The following MTOR variants were observed in gnomAD, a reference collection of about 807,000 sequenced individuals.
MTOR encodes serine/threonine-protein kinase mTOR.
A neutral mutation model predicts 319.8 loss-of-function variants in MTOR; 70 were observed. The ratio of observed to expected loss-of-function variants is 0.22; its 90% CI spans 0.18 to 0.27. MTOR has a LOEUF of 0.27. Among genes scored for constraint, MTOR ranks in the 10% least tolerant of loss-of-function variants. The pLI is 1.00. For synonymous variants in MTOR, 1,183 were observed against 1,211.4 expected, an observed-to-expected ratio of 0.98 and a Z score of 0.49; for missense variants, 1,890 against 3,274.4, an observed-to-expected ratio of 0.58 and a Z score of 10.32.
chr1:11,190,583 C>T (rs950837517), intron 28 of MTOR, among the ~76,000 whole-genome samples: 1 of 152,070 alleles, frequency 6.6e-6, no homozygotes, highest in Admixed American at 6.6e-5. Flanking sequence ...TGAATTTCTC[C>T]GAATACAGGA....
intron 28 of MTOR, among the ~76,000 whole-genome samples, chr1:11,187,488 C>G (rs1038475929): frequency 2.6e-5 from 4 of 152,148 alleles, no homozygotes; most frequent in Non-Finnish European, 5.9e-5. Flanking sequence ...ACCGATCTGA[C>G]AGGAGGCAGA....
chr1:11,241,476 TC>T, intron 10 of MTOR, 76 bp downstream of exon 10: 1 of 1,507,492 alleles, frequency 6.6e-7, no homozygotes, highest in South Asian at 1.3e-5. Context: ...CAACCATGCC[TC>T]ATTCTTTTAA....
In MTOR at chr1:11,153,018, G is replaced by A. The variant is rs537519167; in HGVS notation, c.4470-2792C>T. On this transcript the variant is annotated intron_variant, in intron 30 of 57. Coordinates refer to ENST00000361445, the MANE Select transcript of MTOR (RefSeq NM_004958.4). ...CTGAGAACGGCAACATCAGGAGATC[G>A]ATATCACTCAGCTCGGTTTTCTCAA... 3.3e-4 allele frequency among the ~76,000 whole-genome samples: 50 copies of A among 152,288 alleles called. No individual in the cohort carries two copies. In the South Asian group the frequency reaches 8.3e-3, roughly 25 times the overall value.
At chr1:11,220,747 G>A (rs1646634935) in intron 19 of MTOR, among the ~76,000 whole-genome samples, 1 of 152,158 alleles carries the variant, frequency 6.6e-6, no homozygotes, top group South Asian at 2.1e-4. Context: ...ACACAGTCCT[G>A]TCAACATCTT....
chr1:11,120,567 G>A (rs1642469664), intron 49 of MTOR, among the ~76,000 whole-genome samples: 1 of 151,564 alleles, frequency 6.6e-6, no homozygotes, highest in African/African-American at 2.4e-5. Flanking sequence ...GCCCAGGCTG[G>A]TATTGAACTC....
At chr1:11,215,760 T>C (rs1193991471) in intron 20 of MTOR, among the ~76,000 whole-genome samples, 2 of 152,170 alleles carry the variant, frequency 1.3e-5, no homozygotes, top group Non-Finnish European at 2.9e-5. Flanking sequence ...GTGTCCATCA[T>C]ATTTAACAGC....
chr1:11,191,682 C>CA (rs1645536721), intron 28 of MTOR, among the ~76,000 whole-genome samples: 1 of 152,158 alleles, frequency 6.6e-6, no homozygotes, highest in Non-Finnish European at 1.5e-5. Flanking sequence ...TTTAACAAAA[C>CA]TTCTGGGAGG....
At chr1:11,159,085 T>C (rs1261528941) in intron 29 of MTOR, among the ~76,000 whole-genome samples, 1 of 152,236 alleles carries the variant, frequency 6.6e-6, no homozygotes, top group African/African-American at 2.4e-5. Context: ...GCTGGCATTC[T>C]GAGTATGGGG....
intron 28 of MTOR, among the ~76,000 whole-genome samples, chr1:11,186,404 G>T (rs1645325639): frequency 6.6e-6 from 1 of 152,144 alleles, no homozygotes; most frequent in African/African-American, 2.4e-5. Flanking sequence ...CCCAAACACT[G>T]TGAAGTCTTT....
At chr1:11,227,365 A>G (rs550516135) in intron 19 of MTOR, among the ~76,000 whole-genome samples, 49 of 152,116 alleles carry the variant, frequency 3.2e-4, no homozygotes, top group African/African-American at 1.2e-3. Context: ...ATAGAAACAA[A>G]TAAACAGTAT....
intron 19 of MTOR, among the ~76,000 whole-genome samples, chr1:11,220,565 G>C (rs1646629645): frequency 6.6e-6 from 1 of 152,186 alleles, no homozygotes; most frequent in Non-Finnish European, 1.5e-5. Flanking sequence ...CATGAAATAT[G>C]TGTGGATGAA....
At chr1:11,167,266 T>C (rs974951258) in intron 29 of MTOR, among the ~76,000 whole-genome samples, 176 bp downstream of exon 29, 1 of 147,224 alleles carries the variant, frequency 6.8e-6, no homozygotes, top group African/African-American at 2.5e-5. Flanking sequence ...AAGAAAGAAA[T>C]AGAGTCCCTA....
intron 49 of MTOR, among the ~76,000 whole-genome samples, chr1:11,119,333 G>A (rs1223069738): frequency 6.6e-6 from 1 of 151,860 alleles, no homozygotes; most frequent in East Asian, 1.9e-4. Flanking sequence ...TTGAGAGGCT[G>A]AGGCGGGCGG....
intron 20 of MTOR, among the ~76,000 whole-genome samples, chr1:11,213,874 C>A (rs539867726): frequency 6.6e-6 from 1 of 152,246 alleles, no homozygotes; most frequent in African/African-American, 2.4e-5. Flanking sequence ...CTAGACCTGG[C>A]TCTAGCCTCA....
rs1643014608 is a variant in MTOR, at chr1:11,129,610, A to G, written c.5714+128T>C. ...TTACTCCTTAAATGCAGTGCAGAAAAAAGGCACATACATCGATCTTGGGTG... is the reference window on the plus strand; with the variant it reads ...TTACTCCTTAAATGCAGTGCAGAAAGAAGGCACATACATCGATCTTGGGTG... On this transcript the variant is annotated intron_variant, in intron 40 of 57. Coordinates refer to ENST00000361445, the MANE Select transcript of MTOR (RefSeq NM_004958.4). The surrounding 1 kb of genome is among the most constrained non-coding windows in gnomAD (Gnocchi z 4.7). The G allele has an allele frequency of 1.3e-6, 1 of 777,428 alleles. No homozygotes were observed. The highest frequency in any genetic ancestry group is 2.1e-6 in the Non-Finnish European group (1 of 468,968). The allele number at this position is 777,428 out of a possible 1,614,324, so 48.2% of individuals were successfully genotyped here.
At chr1:11,112,757 C>T (rs1179912612) in intron 54 of MTOR, 95 bp downstream of exon 54, 11 of 1,298,708 alleles carry the variant, frequency 8.5e-6, no homozygotes, top group Admixed American at 7.0e-5. Flanking sequence ...TCTGTAACGT[C>T]CTGCGGGATG....
intron 19 of MTOR, among the ~76,000 whole-genome samples, chr1:11,218,773 T>G (rs962084729): frequency 5.9e-5 from 9 of 152,220 alleles, no homozygotes; most frequent in African/African-American, 9.6e-5. Flanking sequence ...ACATGTGTTC[T>G]CTTTTTGCTC....
chr1:11,148,321 C>T (rs755145994), intron 31 of MTOR, among the ~76,000 whole-genome samples: 1 of 152,170 alleles, frequency 6.6e-6, no homozygotes, highest in Non-Finnish European at 1.5e-5. Context: ...AAATCAGTAA[C>T]TTGCTTTAGG....
intron 28 of MTOR, among the ~76,000 whole-genome samples, chr1:11,175,658 C>CT (rs1423131924): frequency 6.6e-6 from 1 of 152,146 alleles, no homozygotes; most frequent in Non-Finnish European, 1.5e-5. Flanking sequence ...GGCAAAGGCC[C>CT]TGTCAGGAGT....
Sources: gnomAD v4.1 joint callset for allele counts (sites outside exome capture counted in the v4.1 genomes callset) on GRCh38, gnomAD v4.1.1 for gene constraint, Gnocchi (gnomAD v3.1) non-coding constraint, MANE v1.5 for transcripts, NCBI Gene and HGNC (gene_info 2026-07-23, HGNC 2026-07-21) for gene names.